GPR26: variants seen among roughly 807,000 people sequenced by gnomAD.
GPR26 encodes the protein G protein-coupled receptor 26.
GPR26 carries 15 observed loss-of-function variants against 23.1 expected under a neutral mutation model. That is an observed-to-expected ratio of 0.65 (90% CI 0.43 to 1.00). GPR26 has a LOEUF of 1.00. GPR26 is among the 50% of genes least tolerant of loss of function. The probability of loss-of-function intolerance (pLI) is 0.00; values close to 1 mark genes in which losing one functional copy is unlikely to be tolerated. For missense variants in GPR26, 359 were observed against 470.5 expected (o/e 0.76, Z 2.19); for synonymous variants, 228 against 222.1 (o/e 1.03, Z -0.24).
intron 2 of GPR26, among the ~76,000 whole-genome samples, chr10:123,680,375 C>T (rs1348763723): frequency 2.0e-5 from 3 of 152,200 alleles, no homozygotes; most frequent in African/African-American, 7.2e-5. Context: ...ACAGCACCCC[C>T]AAGAGATGGA....
At chr10:123,667,988 A>G (rs1009254577) in intron 1 of GPR26, among the ~76,000 whole-genome samples, 4 of 152,046 alleles carry the variant, frequency 2.6e-5, no homozygotes, top group African/African-American at 9.7e-5. Context: ...GCTATTTTAC[A>G]TCCTGTTGTC....
chr10:123,679,863 G>A (rs1287083078), intron 2 of GPR26, among the ~76,000 whole-genome samples: 4 of 152,246 alleles, frequency 2.6e-5, no homozygotes, highest in African/African-American at 7.2e-5. Context: ...CAGATCTCCC[G>A]AGGCTTGCTG....
At chr10:123,682,508 G>C (rs954258877) in intron 2 of GPR26, among the ~76,000 whole-genome samples, 1 of 152,206 alleles carries the variant, frequency 6.6e-6, no homozygotes, top group Non-Finnish European at 1.5e-5. Flanking sequence ...AGGTCACAGA[G>C]GACTCTTCCC....
At chr10:123,679,390 C>G (rs1375337943) in intron 2 of GPR26, among the ~76,000 whole-genome samples, 1 of 152,192 alleles carries the variant, frequency 6.6e-6, no homozygotes, top group Non-Finnish European at 1.5e-5. Context: ...TGAATTTTTT[C>G]TTCGGTTTAC....
rs2133934922 is a variant in GPR26, at chr10:123,692,632, C to T, written c.*4472C>T. Reference sequence around the variant, plus strand: ...GGGGAGAGGGTGGGTGGAGCTTGGCCTCTGCAGTTTGCGCTTGCAGGTTCA... The same window carrying T: ...GGGGAGAGGGTGGGTGGAGCTTGGCTTCTGCAGTTTGCGCTTGCAGGTTCA... On this transcript the variant is annotated 3_prime_UTR_variant, in exon 3 of 3. Transcript: ENST00000284674. 6.6e-6 allele frequency: 1 copy of T among 152,594 alleles called. No homozygotes were observed. Among genetic ancestry groups the T allele is most frequent in the East Asian group, 1.9e-4 (1 of 5,180 alleles). The allele number at this position is 152,594 out of a possible 1,614,324, so 9.5% of individuals were successfully genotyped here. A position where few individuals can be genotyped will look rare whatever the true frequency, so the allele number is the denominator to read the frequency against.
chr10:123,675,817 T>TGTGTAC (rs1554863840), intron 2 of GPR26, among the ~76,000 whole-genome samples: 491 of 33,476 alleles, frequency 0.015, 4 homozygotes, highest in Non-Finnish European at 0.031. Context: ...TGTGTGTGTG[T>TGTGTAC]ACGTGTGTGT....
rs768840171 is a variant in GPR26, at chr10:123,688,169, G to A, written c.*9G>A. 26 of 1,552,940 alleles carry A rather than the reference G, an allele frequency of 1.7e-5. No individual in the cohort carries two copies. In the East Asian group the frequency reaches 2.3e-4, roughly 14 times the overall value. ...TGCCGGTGTCTGAGTGAAGGACCGC[G>A]CTCCTGCTGAAGAGTTTAGAATGAG... On this transcript the variant is annotated 3_prime_UTR_variant, in exon 3 of 3. Coordinates refer to ENST00000284674, the MANE Select transcript of GPR26 (RefSeq NM_153442.4).
intron 2 of GPR26, among the ~76,000 whole-genome samples, chr10:123,675,664 A>T (rs1845296175): frequency 6.6e-6 from 1 of 152,180 alleles, no homozygotes; most frequent in South Asian, 2.1e-4. Flanking sequence ...GGAAAATAAA[A>T]ACTCCAGAAC....
At chr10:123,671,073 C>T (rs930918076) in intron 1 of GPR26, among the ~76,000 whole-genome samples, 1 of 152,160 alleles carries the variant, frequency 6.6e-6, no homozygotes, top group East Asian at 1.9e-4. Context: ...CGGCTTGTTC[C>T]CTTGCCTTAA....
intron 2 of GPR26, among the ~76,000 whole-genome samples, chr10:123,682,062 C>T (rs1564732411): frequency 6.6e-6 from 1 of 152,216 alleles, no homozygotes; most frequent in Non-Finnish European, 1.5e-5. Context: ...AAGACTGGGG[C>T]AGGCGCTGGA....
At chr10:123,680,667 G>C (rs1430238203) in intron 2 of GPR26, among the ~76,000 whole-genome samples, 1 of 152,166 alleles carries the variant, frequency 6.6e-6, no homozygotes, top group Non-Finnish European at 1.5e-5. Context: ...GAAAGGAAAA[G>C]TAAGGACAAG....
chr10:123,667,561 C>CTCTGTGTGTGTGTG (rs1175317398), intron 1 of GPR26, among the ~76,000 whole-genome samples: 23 of 125,000 alleles, frequency 1.8e-4, no homozygotes, highest in African/African-American at 7.2e-4. Context: ...TGTCTCACGA[C>CTCTGTGTGTGTGTG]TGTGTGTGTG....
chr10:123,690,319 A>G lies in GPR26; in HGVS notation c.*2159A>G, dbSNP rs1243606396. The G allele has an allele frequency of 2.0e-5, 3 of 152,222 alleles. No homozygotes were observed. The highest frequency in any genetic ancestry group is 7.2e-5 in the African/African-American group (3 of 41,452). The allele number at this position is 152,222 out of a possible 1,614,324, so 9.4% of individuals were successfully genotyped here. A position where few individuals can be genotyped will look rare whatever the true frequency, so the allele number is the denominator to read the frequency against. On this transcript the variant is annotated 3_prime_UTR_variant, in exon 3 of 3. Transcript: ENST00000284674. The stretch of plus-strand genomic sequence containing the variant: ...CACACAAACGCTTTCAAAGTTGGGC[A>G]AAAGTGGCCCAGTGCGTGAGGTCAG...
Position 123,693,958 on chromosome 10 carries a change from G to C in GPR26, c.*5798G>C, listed in dbSNP as rs1845516652. The C allele has an allele frequency of 6.9e-6, 1 of 145,066 alleles. No homozygotes were observed. Among genetic ancestry groups the C allele is most frequent in the South Asian group, 2.1e-4 (1 of 4,766 alleles). 9.0% of individuals were successfully genotyped at this position (145,066 alleles called of 1,614,324 possible). A position where few individuals can be genotyped will look rare whatever the true frequency, so the allele number is the denominator to read the frequency against. On this transcript the variant is annotated 3_prime_UTR_variant, in exon 3 of 3. Transcript: ENST00000284674. ...AGGGGTCCAGAGGAGCGGAGTCCTG[G>C]AGCCTCTGGGAGGGTGGCATGTGGC...
chr10:123,682,293 G>GAGCCACTGGCAGATGCA lies in GPR26; in HGVS notation c.783-5636_783-5635insAGCCACTGGCAGATGCA, dbSNP rs1564732471. 2.0e-5 allele frequency among the ~76,000 whole-genome samples: 3 copies of GAGCCACTGGCAGATGCA among 152,186 alleles called. No individual in the cohort carries two copies. The East Asian group carries it at 5.8e-4, about 29-fold the overall frequency. ...GAGTTCCCAAGAGACCATCAGCACTGGTAGCCAGAGCCACTGGCAGATGCA... is the reference window on the plus strand; with the variant it reads ...GAGTTCCCAAGAGACCATCAGCACTGAGCCACTGGCAGATGCAGTAGCCAGAGCCACTGGCAGATGCA... On this transcript the variant is annotated intron_variant, in intron 2 of 2. Coordinates refer to ENST00000284674, the MANE Select transcript of GPR26 (RefSeq NM_153442.4).
intron 2 of GPR26, among the ~76,000 whole-genome samples, chr10:123,679,036 T>A (rs1156945196): frequency 3.9e-5 from 6 of 152,212 alleles, no homozygotes; most frequent in Admixed American, 3.9e-4. Flanking sequence ...TCACTGACAT[T>A]TCCAGTAGCA....
chr10:123,675,833 C>CGTGTGTGTGTGTTTGT (rs1554863877), intron 2 of GPR26, among the ~76,000 whole-genome samples: 1 of 134,096 alleles, frequency 7.5e-6, no homozygotes, highest in Non-Finnish European at 1.6e-5. Flanking sequence ...TGTGTGTGTA[C>CGTGTGTGTGTGTTTGT]GTGTGTGTGT....
Position 123,666,391 on chromosome 10 carries a change from G to A in GPR26, c.-17G>A, listed in dbSNP as rs777237564. On this transcript the variant is annotated 5_prime_UTR_variant, in exon 1 of 3. Transcript: ENST00000284674. ...CGCCGGGTTGCGGACCCTGAGCGCCGGCGCGGGGCGCGCACCATGAACTCG... is the reference window on the plus strand; with the variant it reads ...CGCCGGGTTGCGGACCCTGAGCGCCAGCGCGGGGCGCGCACCATGAACTCG... 1 of 1,366,976 alleles carries A rather than the reference G, an allele frequency of 7.3e-7. No homozygotes were observed. Among genetic ancestry groups the A allele is most frequent in the African/African-American group, 1.5e-5 (1 of 65,498 alleles). The allele number at this position is 1,366,976 out of a possible 1,614,324, so 84.7% of individuals were successfully genotyped here.
chr10:123,684,427 GGGGTTCTTCAGGT>G (rs1845409799), intron 2 of GPR26, among the ~76,000 whole-genome samples: 1 of 152,148 alleles, frequency 6.6e-6, no homozygotes, highest in South Asian at 2.1e-4. Context: ...TGCTCCCCAT[GGGGTTCTTCAGGT>G]GGCATCTTGG....
Sources: allele counts gnomAD v4.1 joint callset (sites outside exome capture counted in the v4.1 genomes callset), GRCh38; gene constraint gnomAD v4.1.1; transcripts MANE v1.5; gene names NCBI Gene and HGNC (gene_info 2026-07-23, HGNC 2026-07-21).